Variants in MGA observed in about 807,000 individuals in gnomAD.
The protein encoded by MGA is MAX gene-associated protein.
MGA carries 40 observed loss-of-function variants against 261.1 expected under a neutral mutation model. That is an observed-to-expected ratio of 0.15 (90% CI 0.12 to 0.20). MGA has a LOEUF of 0.20. Among genes scored for constraint, MGA ranks in the 10% least tolerant of loss-of-function variants. The probability of loss-of-function intolerance (pLI) is 1.00; values close to 1 mark genes in which losing one functional copy is unlikely to be tolerated. For synonymous variants in MGA, 1,302 were observed against 1,290.6 expected, an observed-to-expected ratio of 1.01 and a Z score of -0.19; for missense variants, 3,397 against 3,630.5, an observed-to-expected ratio of 0.94 and a Z score of 1.65.
At chr15:41,753,015 C>T (rs138360803) in intron 17 of MGA, among the ~76,000 whole-genome samples, 4 of 152,180 alleles carry the variant, frequency 2.6e-5, no homozygotes, top group Admixed American at 6.5e-5. Context: ...CTCACACCTA[C>T]GTTACCTTTA....
intron 15 of MGA, 143 bp downstream of exon 15, chr15:41,743,315 C>G (rs549443744): frequency 5.7e-6 from 6 of 1,053,120 alleles, no homozygotes; most frequent in Middle Eastern, 3.1e-4. Flanking sequence ...CTGAAAACCT[C>G]TGCATGCTGC....
intron 1 of MGA, among the ~76,000 whole-genome samples, chr15:41,666,118 C>A (rs1304101862): frequency 1.3e-5 from 2 of 148,474 alleles, no homozygotes; most frequent in African/African-American, 5.0e-5. Flanking sequence ...TGGTCTTGAA[C>A]TCTTGACCTC....
chr15:41,623,773 A>AT (rs1419584634), intron 1 of MGA, among the ~76,000 whole-genome samples: 17 of 104,684 alleles, frequency 1.6e-4, no homozygotes, highest in East Asian at 6.2e-4. Context: ...ATATATATAT[A>AT]TATTTTTTTT....
At chr15:41,643,712 G>A (rs1403111442) in intron 1 of MGA, among the ~76,000 whole-genome samples, 1 of 151,126 alleles carries the variant, frequency 6.6e-6, no homozygotes, top group African/African-American at 2.4e-5. Context: ...TTAATTTGAT[G>A]AAGTCCAGGA....
intron 13 of MGA, among the ~76,000 whole-genome samples, chr15:41,738,422 G>T (rs1397967606): frequency 6.6e-6 from 1 of 152,082 alleles, no homozygotes; most frequent in Non-Finnish European, 1.5e-5. Context: ...TAATATGATT[G>T]ATCTACTTAA....
intron 1 of MGA, among the ~76,000 whole-genome samples, chr15:41,647,250 C>T (rs1277850835): frequency 6.6e-6 from 1 of 152,150 alleles, no homozygotes; most frequent in African/African-American, 2.4e-5. Context: ...CAAGCTCATT[C>T]GTAGATTCTA....
At chr15:41,734,717 T>G (rs1187381224) in intron 12 of MGA, 123 bp downstream of exon 12, 1 of 729,138 alleles carries the variant, frequency 1.4e-6, no homozygotes, top group Non-Finnish European at 2.1e-6. Flanking sequence ...TTCAAACTTA[T>G]GCCAAAAACA....
intron 9 of MGA, among the ~76,000 whole-genome samples, chr15:41,722,122 A>ATTTTT (rs35690314): frequency 3.4e-5 from 3 of 87,698 alleles, no homozygotes; most frequent in African/African-American, 4.8e-5. Flanking sequence ...AAGTAGGCCA[A>ATTTTT]TTTTTTTTTT....
At chr15:41,641,363 T>G (rs2056815515) in intron 1 of MGA, among the ~76,000 whole-genome samples, 1 of 152,188 alleles carries the variant, frequency 6.6e-6, no homozygotes, top group Admixed American at 6.5e-5. Flanking sequence ...AGTGGAATGA[T>G]TGGGTCATAT....
Position 41,742,716 on chromosome 15 carries a change from C to T in MGA, c.4756C>T (p.Pro1586Ser). Reference sequence around the variant, plus strand: ...CGTCACACCTGTGGTTTCTTCTGAGCCAGTTCAGGTGTGCAGCCCTGTGAC... The same window carrying T: ...CGTCACACCTGTGGTTTCTTCTGAGTCAGTTCAGGTGTGCAGCCCTGTGAC... The change falls in exon 15 of 24, where the codon CCA (proline) becomes TCA (serine). Residue 1586 changes from proline (P) to serine (S), a missense_variant. This residue lies in a region of MGA where 1,410 missense variants were observed against 1,386.4 expected (regional missense o/e 1.02). Transcript: ENST00000219905. 1 of 1,613,974 alleles carries T rather than the reference C, an allele frequency of 6.2e-7. No homozygotes were observed. Among genetic ancestry groups the T allele is most frequent in the Non-Finnish European group, 8.5e-7 (1 of 1,179,886 alleles).
intron 15 of MGA, 38 bp from the exon 16 acceptor site, chr15:41,748,599 G>A (rs752412670): frequency 1.9e-6 from 3 of 1,591,988 alleles, no homozygotes; most frequent in African/African-American, 1.3e-5. Flanking sequence ...GTGTTAAAGG[G>A]GAATTTGGGT....
intron 1 of MGA, among the ~76,000 whole-genome samples, chr15:41,637,134 A>G (rs1321278500): frequency 6.6e-6 from 1 of 152,190 alleles, no homozygotes; most frequent in African/African-American, 2.4e-5. Context: ...TGGAAGGACC[A>G]TTGTTCAGAA....
chr15:41,653,361 T>A (rs2057105978), intron 1 of MGA, among the ~76,000 whole-genome samples: 1 of 141,018 alleles, frequency 7.1e-6, no homozygotes. Context: ...AGACCGAGAC[T>A]CCATCTCAGA....
intron 10 of MGA, 47 bp from the exon 11 acceptor site, chr15:41,729,117 G>A (rs746847342): frequency 4.5e-6 from 7 of 1,550,218 alleles, no homozygotes; most frequent in Admixed American, 2.0e-5. Context: ...GGAGTCTAGC[G>A]GAGTTTTTCC....
Position 41,754,515 on chromosome 15 carries a change from A to C in MGA, c.7087A>C (p.Asn2363His). 1 of 1,584,286 alleles carries C rather than the reference A, an allele frequency of 6.3e-7. No homozygotes were observed. Among genetic ancestry groups the C allele is most frequent in the Non-Finnish European group, 8.6e-7 (1 of 1,163,456 alleles). ...TGTAGAAGAGCTCTCAGAGGAAATT[A>C]ATGTTGCTCACCTGAAGACCACAGC... The change falls in exon 18 of 24, where the codon AAT becomes CAT. Residue 2363 changes from asparagine (N) to histidine (H), a missense_variant. This residue lies in a region of MGA where 1,410 missense variants were observed against 1,386.4 expected (regional missense o/e 1.02). Transcript: ENST00000219905.
rs867877200 is a variant in MGA at position 41,689,414 on chromosome 15, C to T, written c.1065-6661C>T. On this transcript the variant is annotated intron_variant, in intron 2 of 23. Transcript: ENST00000219905. The stretch of plus-strand genomic sequence containing the variant: ...TTTCTTTCTCTCTCCCTCTCTTTCT[C>T]CTCTTTCCCTCTCTCCTTCTCTCCT... 6.0e-5 allele frequency among the ~76,000 whole-genome samples: 9 copies of T among 150,510 alleles called. No individual in the cohort carries two copies. The South Asian group carries it at 1.3e-3, about 21-fold the overall frequency.
At chr15:41,692,744 C>T (rs767948210) in intron 2 of MGA, among the ~76,000 whole-genome samples, 3 of 152,154 alleles carry the variant, frequency 2.0e-5, no homozygotes, top group Non-Finnish European at 4.4e-5. Flanking sequence ...CGGAGTCTCA[C>T]TCTGTCACCC....
chr15:41,635,927 T>C (rs1311243222), intron 1 of MGA, among the ~76,000 whole-genome samples: 1 of 152,148 alleles, frequency 6.6e-6, no homozygotes, highest in Non-Finnish European at 1.5e-5. Context: ...GCCAGTTGTA[T>C]AAAAATATAG....
At chr15:41,640,679 C>T (rs938562308) in intron 1 of MGA, among the ~76,000 whole-genome samples, 1 of 152,082 alleles carries the variant, frequency 6.6e-6, no homozygotes, top group African/African-American at 2.4e-5. Flanking sequence ...CCACCACATC[C>T]AGCTAATTTT....
Sources: allele counts gnomAD v4.1 joint callset (sites outside exome capture counted in the v4.1 genomes callset), GRCh38; gene constraint gnomAD v4.1.1; regional missense constraint gnomAD v4.1.1; transcripts MANE v1.5; gene names NCBI Gene and HGNC (gene_info 2026-07-23, HGNC 2026-07-21).